Variants in TMEM108 observed in about 807,000 individuals in gnomAD.
TMEM108 encodes the protein transmembrane protein 108, also known as cancer/testis antigen 124.
In TMEM108, 12 loss-of-function variants were observed where a neutral mutation model predicts 35.1. That is an observed-to-expected ratio of 0.34 (90% CI 0.22 to 0.55). The LOEUF (loss-of-function observed/expected upper bound fraction) is 0.55, where lower values mean the gene tolerates loss of function less well. Ranked by LOEUF, TMEM108 falls within the 20% of genes least tolerant of loss-of-function variation. The pLI is 0.89. For synonymous variants in TMEM108, 287 were observed against 308.6 expected (o/e 0.93, Z 0.73); for missense variants, 680 against 753.3 (o/e 0.90, Z 1.14).
At chr3:133,120,610 A>G (rs1264587115) in intron 2 of TMEM108, among the ~76,000 whole-genome samples, 1 of 152,162 alleles carries the variant, frequency 6.6e-6, no homozygotes. Flanking sequence ...GTTTGTGTCT[A>G]ATTTTTCACT....
At chr3:133,275,406 A>T (rs1042358188) in intron 3 of TMEM108, among the ~76,000 whole-genome samples, 4 of 152,230 alleles carry the variant, frequency 2.6e-5, no homozygotes, top group Non-Finnish European at 4.4e-5. Context: ...TTTTTCACAT[A>T]CATTTTCCAT....
chr3:133,264,353 A>T (rs1946667973), intron 3 of TMEM108, among the ~76,000 whole-genome samples: 1 of 152,046 alleles, frequency 6.6e-6, no homozygotes, highest in South Asian at 2.1e-4. Flanking sequence ...CTATTTTCCC[A>T]GTTAATAATA....
intron 2 of TMEM108, among the ~76,000 whole-genome samples, chr3:133,200,222 G>A (rs1274277396): frequency 1.3e-5 from 2 of 152,158 alleles, no homozygotes; most frequent in Admixed American, 6.5e-5. Context: ...TACCAGGTGA[G>A]GCAATGCCTC....
At chr3:133,219,705 C>A (rs1160799023) in intron 2 of TMEM108, among the ~76,000 whole-genome samples, 4 of 152,000 alleles carry the variant, frequency 2.6e-5, no homozygotes, top group African/African-American at 9.7e-5. Flanking sequence ...AAATATATTT[C>A]ATGTGATTTA....
At chr3:133,138,180 A>G (rs1944591646) in intron 2 of TMEM108, among the ~76,000 whole-genome samples, 1 of 152,190 alleles carries the variant, frequency 6.6e-6, no homozygotes, top group African/African-American at 2.4e-5. Flanking sequence ...GAAGATCTAG[A>G]ACTAGGAATC....
intron 2 of TMEM108, among the ~76,000 whole-genome samples, chr3:133,109,654 C>G (rs1003542598): frequency 2.0e-5 from 3 of 152,058 alleles, no homozygotes; most frequent in Non-Finnish European, 4.4e-5. Context: ...GATGAGTGTT[C>G]CTTTGTAACT....
intron 3 of TMEM108, among the ~76,000 whole-genome samples, chr3:133,297,812 C>A (rs573316281): frequency 6.6e-6 from 1 of 152,128 alleles, no homozygotes; most frequent in South Asian, 2.1e-4. Flanking sequence ...GAACAAGCAC[C>A]CCTCCAGGCG....
chr3:133,364,455 A>G (rs2072446482), intron 3 of TMEM108, among the ~76,000 whole-genome samples: 1 of 152,242 alleles, frequency 6.6e-6, no homozygotes, highest in African/African-American at 2.4e-5. Context: ...ATCACTGTAT[A>G]TGACTGAGAG....
intron 3 of TMEM108, among the ~76,000 whole-genome samples, chr3:133,350,934 T>C (rs1245592280): frequency 1.3e-5 from 2 of 152,178 alleles, no homozygotes; most frequent in Non-Finnish European, 2.9e-5. Flanking sequence ...AAAGGAAAGA[T>C]ATGACATTGA....
intron 3 of TMEM108, among the ~76,000 whole-genome samples, chr3:133,332,879 T>G (rs1398036240): frequency 6.6e-6 from 1 of 152,176 alleles, no homozygotes; most frequent in Non-Finnish European, 1.5e-5. Flanking sequence ...AGAAAGAGAG[T>G]TTATCCCTTG....
chr3:133,341,257 C>A (rs1443094206), intron 3 of TMEM108, among the ~76,000 whole-genome samples: 5 of 151,752 alleles, frequency 3.3e-5, no homozygotes, highest in African/African-American at 4.8e-5. Flanking sequence ...TTTCTGTATG[C>A]CAGCAGTGAA....
In TMEM108 at chr3:133,387,580, GC is replaced by G; in HGVS notation, c.1451-2597del. The G allele has an allele frequency of 4.1e-6, 4 of 974,332 alleles. No individual in the cohort carries two copies. In the South Asian group the frequency reaches 1.9e-4, roughly 46 times the overall value. The allele number at this position is 974,332 out of a possible 1,614,324, so 60.4% of individuals were successfully genotyped here. On this transcript the variant is annotated intron_variant, in intron 4 of 5. Transcript: ENST00000321871. The stretch of plus-strand genomic sequence containing the variant: ...GACTTGGATTCTGCAACCTCTACCA[GC>G]CCAGGTTAGCAGCATGGCCTTGAGC...
intron 3 of TMEM108, among the ~76,000 whole-genome samples, chr3:133,273,496 G>A (rs1421192477): frequency 1.3e-5 from 2 of 152,100 alleles, no homozygotes; most frequent in African/African-American, 4.8e-5. Context: ...CCCACAGTAA[G>A]TACTCAGCAG....
chr3:133,166,698 G>A (rs912047779), intron 2 of TMEM108, among the ~76,000 whole-genome samples: 1 of 152,176 alleles, frequency 6.6e-6, no homozygotes, highest in African/African-American at 2.4e-5. Flanking sequence ...CAGGAGTGAA[G>A]CTGCAGACCT....
intron 4 of TMEM108, chr3:133,386,565 C>A: frequency 1.3e-6 from 2 of 1,492,790 alleles, no homozygotes; most frequent in Admixed American, 2.2e-5. Context: ...TTCCTGGGAA[C>A]CCAAGAGAGC....
At chr3:133,096,123 G>C (rs1944012037) in intron 2 of TMEM108, among the ~76,000 whole-genome samples, 1 of 152,116 alleles carries the variant, frequency 6.6e-6, no homozygotes. Context: ...AGTGTTCAAA[G>C]GCTCACCTGT....
intron 2 of TMEM108, among the ~76,000 whole-genome samples, chr3:133,111,668 G>A (rs1204322656): frequency 6.6e-6 from 1 of 152,162 alleles, no homozygotes; most frequent in African/African-American, 2.4e-5. Flanking sequence ...CCCTGAAGCA[G>A]TTAGAAACAG....
chr3:133,311,300 G>A (rs955868049), intron 3 of TMEM108, among the ~76,000 whole-genome samples: 2 of 152,340 alleles, frequency 1.3e-5, no homozygotes, highest in South Asian at 4.1e-4. Context: ...ATATCCTGAA[G>A]AGTATTTTCC....
intron 2 of TMEM108, among the ~76,000 whole-genome samples, chr3:133,075,078 C>T (rs1943724343): frequency 2.0e-5 from 3 of 152,122 alleles, no homozygotes; most frequent in East Asian, 1.9e-4. Flanking sequence ...AAACCTGCTG[C>T]GTCTCTTTGC....
Sources: allele counts gnomAD v4.1 joint callset (sites outside exome capture counted in the v4.1 genomes callset), GRCh38; gene constraint gnomAD v4.1.1; transcripts MANE v1.5; gene names NCBI Gene and HGNC (gene_info 2026-07-23, HGNC 2026-07-21).